Variants in GALNT13 observed in about 807,000 individuals in gnomAD.
The protein encoded by GALNT13 is UDP-GalNAc:polypeptide N-acetylgalactosaminyltransferase 13.
Under a neutral mutation model 64.2 loss-of-function variants are expected in GALNT13, and 28 were observed. That is an observed-to-expected ratio of 0.44 (90% CI 0.32 to 0.60). The LOEUF is 0.60. Ranked by LOEUF, GALNT13 falls within the 20% of genes least tolerant of loss-of-function variation. The pLI is 0.05. For missense variants in GALNT13, 577 were observed against 669.8 expected, an observed-to-expected ratio of 0.86 and a Z score of 1.53; for synonymous variants, 214 against 224.6, an observed-to-expected ratio of 0.95 and a Z score of 0.42.
At chr2:154,060,474 G>T (rs1406789269) in intron 3 of GALNT13, among the ~76,000 whole-genome samples, 2 of 152,050 alleles carry the variant, frequency 1.3e-5, no homozygotes, top group South Asian at 4.1e-4. Flanking sequence ...TCCTGCCTTA[G>T]CCTCCTGAGT....
In GALNT13 at chr2:154,301,481, C is replaced by T; in HGVS notation, c.1048C>T (p.Pro350Ser). ...TGGTCATGTTTTTCGGAAGGCAACT[C>T]CATACACTTTTCCTGGTGGCACTGG... ...HVGHVFRKAT[P>S]YTFPGGTGHV... Residue 350 changes from proline to serine, a missense_variant, in exon 9 of 13, where the codon CCA (proline) becomes TCA (serine). By Grantham distance (74) the Pro-to-Ser change is moderately conservative. This residue lies in a region of GALNT13 where 232 missense variants were observed against 270.6 expected (regional missense o/e 0.86). Transcript: ENST00000392825. 6.2e-7 allele frequency: 1 copy of T among 1,613,822 alleles called. No individual in the cohort carries two copies. Among genetic ancestry groups the T allele is most frequent in the Non-Finnish European group, 8.5e-7 (1 of 1,179,776 alleles).
chr2:153,104,086 A>G, the GALNT13 span, among the ~76,000 whole-genome samples: 11 of 152,170 alleles, frequency 7.2e-5, no homozygotes, highest in South Asian at 4.1e-4. Flanking sequence ...CAACTTTACT[A>G]TTAGTACATA....
At chr2:154,222,548 T>G (rs1423592696) in intron 4 of GALNT13, among the ~76,000 whole-genome samples, 3 of 152,154 alleles carry the variant, frequency 2.0e-5, no homozygotes, top group African/African-American at 7.2e-5. Context: ...AATCTGTTAT[T>G]TGTTTCATAA....
intron 7 of GALNT13, among the ~76,000 whole-genome samples, chr2:154,250,037 G>C (rs1689988444): frequency 6.6e-6 from 1 of 151,934 alleles, no homozygotes; most frequent in Non-Finnish European, 1.5e-5. Flanking sequence ...TAGCCTTGGA[G>C]GATCTAGTTT....
chr2:154,394,847 AT>A (rs1396055628), intron 9 of GALNT13, among the ~76,000 whole-genome samples: 3 of 152,236 alleles, frequency 2.0e-5, no homozygotes, highest in Admixed American at 6.5e-5. Flanking sequence ...CTGCTTCAGC[AT>A]CAGAATGCTT....
At chr2:154,127,429 T>C (rs922672404) in intron 3 of GALNT13, among the ~76,000 whole-genome samples, 1 of 152,122 alleles carries the variant, frequency 6.6e-6, no homozygotes, top group East Asian at 1.9e-4. Flanking sequence ...TCAAACATTA[T>C]TGCAGAATCT....
the GALNT13 span, among the ~76,000 whole-genome samples, chr2:153,115,216 CTT>C: frequency 2.0e-5 from 3 of 152,290 alleles, no homozygotes; most frequent in Admixed American, 6.5e-5. Flanking sequence ...GGTCATCACT[CTT>C]TTCATTTTGT....
the GALNT13 span, among the ~76,000 whole-genome samples, chr2:153,802,473 T>C: frequency 2.0e-5 from 3 of 152,224 alleles, no homozygotes; most frequent in African/African-American, 4.8e-5. Context: ...TTCTCTGTTA[T>C]CATTTTCTTG....
intron 1 of GALNT13, among the ~76,000 whole-genome samples, chr2:153,895,510 A>G (rs1307539495): frequency 1.3e-5 from 2 of 152,116 alleles, no homozygotes; most frequent in Non-Finnish European, 2.9e-5. Context: ...AAAGGTAATT[A>G]AACTCAACAT....
At chr2:153,628,375 A>C in the GALNT13 span, among the ~76,000 whole-genome samples, 1 of 152,070 alleles carries the variant, frequency 6.6e-6, no homozygotes. Flanking sequence ...AGAACTTCCA[A>C]CACTATGTTG....
chr2:153,498,879 C>T, the GALNT13 span, among the ~76,000 whole-genome samples: 1 of 151,414 alleles, frequency 6.6e-6, no homozygotes, highest in Non-Finnish European at 1.5e-5. Flanking sequence ...GACGGAGTCT[C>T]GCTCTGTCAC....
chr2:153,903,239 G>A (rs1688345956), intron 2 of GALNT13, among the ~76,000 whole-genome samples: 3 of 151,944 alleles, frequency 2.0e-5, no homozygotes, highest in Middle Eastern at 6.8e-3. Context: ...ATGAAACAAG[G>A]ATAGAGTGGT....
chr2:153,799,566 T>C, the GALNT13 span, among the ~76,000 whole-genome samples: 1 of 152,282 alleles, frequency 6.6e-6, no homozygotes, highest in East Asian at 1.9e-4. Flanking sequence ...CAAGTAGGTG[T>C]CCATTGCTTC....
At chr2:153,199,291 T>A in the GALNT13 span, among the ~76,000 whole-genome samples, 1 of 152,196 alleles carries the variant, frequency 6.6e-6, no homozygotes, top group East Asian at 1.9e-4. Flanking sequence ...AAGGAAAGCT[T>A]ATGGCTGTAG....
At chr2:154,362,770 A>T (rs1697147833) in intron 9 of GALNT13, among the ~76,000 whole-genome samples, 1 of 152,198 alleles carries the variant, frequency 6.6e-6, no homozygotes, top group Admixed American at 6.5e-5. Flanking sequence ...AATACTGCCT[A>T]CAAGTGGCCA....
At chr2:154,338,982 C>T (rs1292102421) in intron 9 of GALNT13, among the ~76,000 whole-genome samples, 1 of 152,030 alleles carries the variant, frequency 6.6e-6, no homozygotes, top group African/African-American at 2.4e-5. Flanking sequence ...ATTTCTAAAT[C>T]CTGAGCAGAG....
the GALNT13 span, among the ~76,000 whole-genome samples, chr2:153,355,691 G>A: frequency 3.3e-5 from 5 of 151,944 alleles, no homozygotes; most frequent in Non-Finnish European, 5.9e-5. Context: ...TTAACTCTCG[G>A]CCCTGGGTGA....
At chr2:153,824,943 C>T in the GALNT13 span, among the ~76,000 whole-genome samples, 1 of 152,112 alleles carries the variant, frequency 6.6e-6, no homozygotes, top group Non-Finnish European at 1.5e-5. Flanking sequence ...TCCGTACACC[C>T]TGTAGAAATG....
At chr2:153,288,207 A>G in the GALNT13 span, among the ~76,000 whole-genome samples, 1 of 152,244 alleles carries the variant, frequency 6.6e-6, no homozygotes, top group Admixed American at 6.5e-5. Flanking sequence ...AAAATAGTTT[A>G]AAAATGATGG....
Sources: allele counts gnomAD v4.1 joint callset (sites outside exome capture counted in the v4.1 genomes callset), GRCh38; gene constraint gnomAD v4.1.1; regional missense constraint gnomAD v4.1.1; transcripts MANE v1.5; gene names NCBI Gene and HGNC (gene_info 2026-07-23, HGNC 2026-07-21).